The following NEXMIF variants were observed in gnomAD, a reference collection of about 807,000 sequenced individuals.
NEXMIF encodes XLMR protein related to neurite extension.
A neutral mutation model predicts 62.1 loss-of-function variants in NEXMIF; 8 were observed. That is an observed-to-expected ratio of 0.13 (90% CI 0.08 to 0.23). NEXMIF has a LOEUF of 0.23. Among genes scored for constraint, NEXMIF ranks in the 10% least tolerant of loss-of-function variants. The pLI is 1.00. For synonymous variants in NEXMIF, 404 were observed against 416.6 expected, an observed-to-expected ratio of 0.97 and a Z score of 0.37; for missense variants, 976 against 1,113.3, an observed-to-expected ratio of 0.88 and a Z score of 1.75.
intron 1 of NEXMIF, among the ~76,000 whole-genome samples, chrX:74,911,129 G>C (rs1465276145): frequency 8.9e-6 from 1 of 111,999 alleles, no homozygotes; most frequent in African/African-American, 3.2e-5. Flanking sequence ...GTCTTCAAAA[G>C]TAAGTGGCAG....
chrX:74,783,977 T>C (rs760974185), intron 1 of NEXMIF, among the ~76,000 whole-genome samples: 1 of 111,324 alleles, frequency 9.0e-6, no homozygotes, highest in Non-Finnish European at 1.9e-5. Flanking sequence ...ATACAATGCC[T>C]GAGCTTCCTT....
At chrX:74,881,633 T>A (rs940766864) in intron 1 of NEXMIF, among the ~76,000 whole-genome samples, 2 of 111,944 alleles carry the variant, frequency 1.8e-5, no homozygotes, top group Admixed American at 9.5e-5. Context: ...TAGAAGCCAG[T>A]AGCACCCCCC....
intron 1 of NEXMIF, among the ~76,000 whole-genome samples, chrX:74,773,677 G>A (rs1025489521): frequency 4.5e-5 from 5 of 110,853 alleles, no homozygotes; most frequent in Admixed American, 3.9e-4. Context: ...GGAGGCCGAG[G>A]CGGGTGGATC....
chrX:74,744,318 G>C lies in NEXMIF; in HGVS notation c.239C>G (p.Pro80Arg). The part of the protein sequence containing the change: ...KKPCMQSPPS[P>R]LGLIEAPEHA... ...TTCGGGTGCTTCAATCAGGCCCAAA[G>C]GAGAGGGCGGGCTCTGCATACAGGG... Residue 80 changes from proline to arginine, a missense_variant, in exon 3 of 4, where the codon CCT becomes CGT. By Grantham distance (103) the Pro-to-Arg change is moderately radical (BLOSUM62 -2). Transcript: ENST00000055682. The C allele has an allele frequency of 8.3e-7, 1 of 1,211,570 alleles. No individual in the cohort carries two copies. The highest frequency in any genetic ancestry group is 1.1e-6 in the Non-Finnish European group (1 of 895,490).
chrX:74,752,567 A>G (rs2080147566), intron 1 of NEXMIF, among the ~76,000 whole-genome samples: 1 of 111,609 alleles, frequency 9.0e-6, no homozygotes, highest in Non-Finnish European at 1.9e-5. Flanking sequence ...CGATGAATCA[A>G]TGAGAAAGCA....
intron 1 of NEXMIF, among the ~76,000 whole-genome samples, chrX:74,887,651 G>A (rs1224931989): frequency 9.0e-6 from 1 of 110,549 alleles, no homozygotes; most frequent in African/African-American, 3.3e-5. Flanking sequence ...GAAACAACAG[G>A]TGCTGGAGAG....
intron 1 of NEXMIF, among the ~76,000 whole-genome samples, chrX:74,857,630 C>CA (rs2080540101): frequency 9.0e-6 from 1 of 111,451 alleles, no homozygotes; most frequent in East Asian, 2.9e-4. Flanking sequence ...TTGAGAAAAA[C>CA]AGAGGGAAAA....
At chrX:74,762,754 A>G (rs1200854433) in intron 1 of NEXMIF, among the ~76,000 whole-genome samples, 1 of 111,580 alleles carries the variant, frequency 9.0e-6, no homozygotes, top group Non-Finnish European at 1.9e-5. Context: ...TGGCTGCATA[A>G]ATGTCTTCTT....
At position 74,743,484 on chromosome X, in the gene NEXMIF, C is replaced by T; in HGVS notation, c.1073G>A (p.Ser358Asn). 8.3e-7 allele frequency: 1 copy of T among 1,211,747 alleles called. No individual in the cohort carries two copies. Among genetic ancestry groups the T allele is most frequent in the African/African-American group, 1.7e-5 (1 of 57,791 alleles). The change falls in exon 3 of 4, where the codon AGC becomes AAC. Residue 358 changes from serine (S) to asparagine (N), a missense_variant. This residue lies in a region of NEXMIF where 639 missense variants were observed against 694.5 expected (regional missense o/e 0.92). Transcript: ENST00000055682. The stretch of plus-strand genomic sequence containing the variant: ...GACCTTGAATTGGGAAAAATCACTG[C>T]TCTGCTTCAGGGCCCCACTCTTAGA... ...RESKSGALKQSSDFSQFKVPD... is the reference protein window; with the variant it reads ...RESKSGALKQNSDFSQFKVPD...
intron 1 of NEXMIF, among the ~76,000 whole-genome samples, chrX:74,844,705 G>A (rs2080485931): frequency 9.0e-6 from 1 of 111,668 alleles, no homozygotes; most frequent in Non-Finnish European, 1.9e-5. Context: ...TATACTTTTG[G>A]CTTTAACTGT....
chrX:74,797,520 A>G (rs1322344245), intron 1 of NEXMIF, among the ~76,000 whole-genome samples: 1 of 112,408 alleles, frequency 8.9e-6, no homozygotes, highest in East Asian at 2.8e-4. Context: ...ACACACACAC[A>G]GAGTTAATAG....
intron 2 of NEXMIF, among the ~76,000 whole-genome samples, chrX:74,745,234 C>T (rs1569336270): frequency 1.8e-5 from 2 of 110,847 alleles, no homozygotes; most frequent in Non-Finnish European, 3.8e-5. Context: ...CTGCCCACCT[C>T]GGCCTCCCAA....
intron 1 of NEXMIF, among the ~76,000 whole-genome samples, chrX:74,922,713 A>T (rs1446295959): frequency 9.0e-6 from 1 of 111,388 alleles, no homozygotes; most frequent in East Asian, 2.8e-4. Context: ...CATAGGGAAA[A>T]CTTTAAATAT....
chrX:74,758,345 GTGATA>G (rs2147448463), intron 1 of NEXMIF, among the ~76,000 whole-genome samples: 1 of 111,588 alleles, frequency 9.0e-6, no homozygotes, highest in South Asian at 3.8e-4. Flanking sequence ...ACTTTGATAA[GTGATA>G]TAGACAAATT....
intron 1 of NEXMIF, among the ~76,000 whole-genome samples, chrX:74,840,412 G>A (rs181731004): frequency 1.8e-5 from 2 of 111,559 alleles, no homozygotes; most frequent in African/African-American, 3.3e-5. Context: ...CCCATGCTCC[G>A]CTGGGATGCT....
chrX:74,816,257 T>G (rs940062388), intron 1 of NEXMIF, among the ~76,000 whole-genome samples: 1 of 111,924 alleles, frequency 8.9e-6, no homozygotes, highest in African/African-American at 3.2e-5. Flanking sequence ...TCTTCCCAAG[T>G]GGACAGATCC....
At chrX:74,739,821 T>C (rs1016867953) in intron 3 of NEXMIF, among the ~76,000 whole-genome samples, 19 of 111,253 alleles carry the variant, frequency 1.7e-4, no homozygotes, top group African/African-American at 5.9e-4. Flanking sequence ...TTTCTTAATA[T>C]GTAGTAACTA....
At chrX:74,885,498 A>G (rs2080688207) in intron 1 of NEXMIF, among the ~76,000 whole-genome samples, 1 of 112,008 alleles carries the variant, frequency 8.9e-6, no homozygotes, top group Non-Finnish European at 1.9e-5. Context: ...ACAAACTACC[A>G]TCAGAGAATA....
At chrX:74,900,074 A>G (rs1471292228) in intron 1 of NEXMIF, among the ~76,000 whole-genome samples, 1 of 111,923 alleles carries the variant, frequency 8.9e-6, no homozygotes, top group African/African-American at 3.2e-5. Context: ...AATGGCAAAT[A>G]AGCACAAGAG....
Sources: allele counts gnomAD v4.1 joint callset (sites outside exome capture counted in the v4.1 genomes callset), GRCh38; gene constraint gnomAD v4.1.1; regional missense constraint gnomAD v4.1.1; transcripts MANE v1.5; gene names NCBI Gene and HGNC (gene_info 2026-07-23, HGNC 2026-07-21).